Variants in WASHC4 observed in about 807,000 individuals in gnomAD.
WASHC4 encodes the protein WASH complex subunit 7.
Under a neutral mutation model 166.6 loss-of-function variants are expected in WASHC4, and 86 were observed. The ratio of observed to expected loss-of-function variants is 0.52; its 90% CI spans 0.43 to 0.62. The LOEUF (loss-of-function observed/expected upper bound fraction) is 0.62, where lower values mean the gene tolerates loss of function less well. Among genes scored for constraint, WASHC4 ranks in the 20% least tolerant of loss-of-function variants. The probability of loss-of-function intolerance (pLI) is 0.00; values close to 1 mark genes in which losing one functional copy is unlikely to be tolerated. For missense variants in WASHC4, 1,262 were observed against 1,382.4 expected (o/e 0.91, Z 1.38); for synonymous variants, 446 against 451.6 (o/e 0.99, Z 0.16).
Position 105,115,613 on chromosome 12 carries a change from G to A in WASHC4, c.368-48G>A, listed in dbSNP as rs750348855. 19 of 1,387,444 alleles carry A rather than the reference G, an allele frequency of 1.4e-5. No homozygotes were observed. In the South Asian group the frequency reaches 2.1e-4, roughly 16 times the overall value. The allele number at this position is 1,387,444 out of a possible 1,614,324, so 85.9% of individuals were successfully genotyped here. A position where few individuals can be genotyped will look rare whatever the true frequency, so the allele number is the denominator to read the frequency against. On this transcript the variant is annotated intron_variant, in intron 5 of 32. Coordinates refer to ENST00000332180, the MANE Select transcript of WASHC4 (RefSeq NM_015275.3). ...TTCCCCCTTTTTTGGTATTGATTGA[G>A]TTTAAATTTAAAAAATGAAATATGC...
intron 2 of WASHC4, among the ~76,000 whole-genome samples, chr12:105,113,244 G>A (rs978697412): frequency 4.6e-5 from 7 of 151,992 alleles, no homozygotes; most frequent in Admixed American, 6.6e-5. Context: ...TTAAACAGAT[G>A]CTGTTGGGCT....
At chr12:105,115,323 G>C (rs1880076900) in intron 5 of WASHC4, 94 bp downstream of exon 5, 1 of 828,292 alleles carries the variant, frequency 1.2e-6, no homozygotes, top group African/African-American at 1.7e-5. Context: ...TTATATAATA[G>C]TGTGAGAAAA....
At chr12:105,139,425 G>GTATATATATATATATA (rs71069791) in intron 15 of WASHC4, among the ~76,000 whole-genome samples, 1,428 of 102,868 alleles carry the variant, frequency 0.014, 64 homozygotes, top group South Asian at 0.016. Flanking sequence ...ATGTGTGTGT[G>GTATATATATATATATA]TATATATATA....
At position 105,164,696 on chromosome 12, in the gene WASHC4, A is replaced by C. The variant is rs767585388; in HGVS notation, c.3410A>C (p.Asp1137Ala). Residue 1137 changes from aspartate (D) to alanine (A), a missense_variant, in exon 32 of 33, where the codon GAC (aspartate) becomes GCC (alanine). Coordinates refer to ENST00000332180, the MANE Select transcript of WASHC4 (RefSeq NM_015275.3). ...AGTGCAAGAATTTTCTTCAGAGCAGACAAGACTGCGGCTGAAGAAAACCAA... is the reference window on the plus strand; with the variant it reads ...AGTGCAAGAATTTTCTTCAGAGCAGCCAAGACTGCGGCTGAAGAAAACCAA... Reference protein sequence around the residue: ...LSSARIFFRADKTAAEENQEK... With the variant: ...LSSARIFFRAAKTAAEENQEK... 6.2e-7 allele frequency: 1 copy of C among 1,613,658 alleles called. No homozygotes were observed. The highest frequency in any genetic ancestry group is 8.5e-7 in the Non-Finnish European group (1 of 1,179,734).
rs1273740485 is a variant in WASHC4, at chr12:105,114,334, T to A, written c.256-28T>A. 6 of 1,596,494 alleles carry A rather than the reference T, an allele frequency of 3.8e-6. No individual in the cohort carries two copies. The African/African-American group carries it at 8.1e-5, about 21-fold the overall frequency. The stretch of plus-strand genomic sequence containing the variant: ...TTTAGTTATCTGTAACAATTTACTT[T>A]TTATTTTGTTTTTACTCATGAAACT... On this transcript the variant is annotated intron_variant, in intron 3 of 32. Coordinates refer to ENST00000332180, the MANE Select transcript of WASHC4 (RefSeq NM_015275.3).
rs181022181 is a variant in WASHC4 at position 105,133,442 on chromosome 12, G to A, written c.1200-328G>A. Among the ~76,000 whole-genome samples the A allele has an allele frequency of 1.2e-3, 175 of 152,102 alleles. 1 individual carries two copies. Among genetic ancestry groups the A allele is most frequent in the African/African-American group, 4.0e-3 (165 of 41,488 alleles). Reference sequence around the variant, plus strand: ...TTCCCCTGCTTTTATTTCTTCTGTAGTATGTATCTTTTAATTAATTTAAAA... The same window carrying A: ...TTCCCCTGCTTTTATTTCTTCTGTAATATGTATCTTTTAATTAATTTAAAA... On this transcript the variant is annotated intron_variant, in intron 13 of 32. Coordinates refer to ENST00000332180, the MANE Select transcript of WASHC4 (RefSeq NM_015275.3).
At chr12:105,145,351 G>C (rs556792577) in intron 22 of WASHC4, among the ~76,000 whole-genome samples, 37 of 152,070 alleles carry the variant, frequency 2.4e-4, no homozygotes, top group African/African-American at 8.4e-4. Flanking sequence ...TTAATGTACA[G>C]TATGGCATTG....
chr12:105,135,898 C>T lies in WASHC4; in HGVS notation c.1327-1988C>T, dbSNP rs541888404. ...TCTCTTGTTTTTGTACATCTCTTAC[C>T]TTTTATATACCCAGTTATTTTTTAT... is the stretch of plus-strand genomic sequence containing the variant. On this transcript the variant is annotated intron_variant, in intron 14 of 32. Transcript: ENST00000332180. 1.0e-3 allele frequency among the ~76,000 whole-genome samples: 159 copies of T among 152,034 alleles called. 1 individual carries two copies. The highest frequency in any genetic ancestry group is 3.5e-3 in the African/African-American group (144 of 41,484).
chr12:105,108,013 C>G, intron 1 of WASHC4, 152 bp downstream of exon 1: 1 of 666,356 alleles, frequency 1.5e-6, no homozygotes, highest in South Asian at 1.7e-5. Flanking sequence ...GACGCGCTCT[C>G]CAGCGTTACT....
At chr12:105,122,551 A>G (rs899888565) in intron 10 of WASHC4, among the ~76,000 whole-genome samples, 5 of 151,880 alleles carry the variant, frequency 3.3e-5, no homozygotes, top group African/African-American at 7.3e-5. Flanking sequence ...GCTTTATTGC[A>G]TTTCCCAGGT....
At chr12:105,129,223 C>T (rs376277633) in intron 13 of WASHC4, among the ~76,000 whole-genome samples, 21 of 151,980 alleles carry the variant, frequency 1.4e-4, no homozygotes, top group South Asian at 6.2e-4. Context: ...GGATTACAGG[C>T]GTGAGCCACC....
At chr12:105,143,027 G>A in intron 19 of WASHC4, 100 bp from the exon 20 acceptor site, 1 of 752,214 alleles carries the variant, frequency 1.3e-6, no homozygotes, top group Non-Finnish European at 2.3e-6. Context: ...TTTTCCTTCA[G>A]ATCGAGGTTT....
In WASHC4 at chr12:105,167,811, A is replaced by G. The variant is rs1325400056; in HGVS notation, c.*880A>G. The G allele has an allele frequency of 6.6e-6, 1 of 152,502 alleles. No homozygotes were observed. The highest frequency in any genetic ancestry group is 1.5e-5 in the Non-Finnish European group (1 of 67,950). The allele number at this position is 152,502 out of a possible 1,614,324, so 9.4% of individuals were successfully genotyped here. ...TAGACTTTTTTTTTATATCAAGTAT[A>G]ATTTAAAACATCAGATTAAATAATT... On this transcript the variant is annotated 3_prime_UTR_variant, in exon 33 of 33. Transcript: ENST00000332180.
intron 2 of WASHC4, among the ~76,000 whole-genome samples, chr12:105,113,648 A>T (rs1475802367): frequency 6.6e-6 from 1 of 152,112 alleles, no homozygotes; most frequent in South Asian, 2.1e-4. Context: ...GTTAGTATGT[A>T]ACCAGAAGGG....
Position 105,140,795 on chromosome 12 carries a change from AT to A in WASHC4, c.1561-103del, listed in dbSNP as rs1566015339. 3 of 1,124,598 alleles carry A rather than the reference AT, an allele frequency of 2.7e-6. No homozygotes were observed. In the Admixed American group the frequency reaches 5.4e-5, roughly 20 times the overall value. 69.7% of individuals were successfully genotyped at this position (1,124,598 alleles called of 1,614,324 possible). ...GCTTAAATGGGGAAAGTATTTGTGTATGCTCTCTTAAATTGAATCATGGAAA... is the reference window on the plus strand; with the variant it reads ...GCTTAAATGGGGAAAGTATTTGTGTAGCTCTCTTAAATTGAATCATGGAAA... On this transcript the variant is annotated intron_variant, in intron 16 of 32. Coordinates refer to ENST00000332180, the MANE Select transcript of WASHC4 (RefSeq NM_015275.3).
intron 1 of WASHC4, among the ~76,000 whole-genome samples, chr12:105,108,097 C>T (rs965952733): frequency 1.1e-4 from 16 of 152,320 alleles, no homozygotes; most frequent in African/African-American, 2.9e-4. Flanking sequence ...GGAGACTCTC[C>T]TGGGGAGCCT....
chr12:105,115,765 A>G (rs758381529), intron 6 of WASHC4, 37 bp downstream of exon 6: 4 of 1,333,538 alleles, frequency 3.0e-6, no homozygotes, highest in Admixed American at 1.7e-5. Context: ...CTTTTACTTC[A>G]AAAAGTTTGA....
At chr12:105,141,378 C>G in intron 18 of WASHC4, 132 bp downstream of exon 18, 2 of 768,808 alleles carry the variant, frequency 2.6e-6, no homozygotes, top group South Asian at 2.8e-5. Flanking sequence ...ACTTCTTTAG[C>G]ATGACCAAAA....
intron 24 of WASHC4, chr12:105,149,033 A>G (rs1035156904): frequency 1.0e-6 from 1 of 977,464 alleles, no homozygotes; most frequent in African/African-American, 1.8e-5. Context: ...TTATTTAACA[A>G]TACTTGTTTA....
Sources: gnomAD v4.1 joint callset for allele counts (sites outside exome capture counted in the v4.1 genomes callset) on GRCh38, gnomAD v4.1.1 for gene constraint, MANE v1.5 for transcripts, NCBI Gene and HGNC (gene_info 2026-07-23, HGNC 2026-07-21) for gene names.